Variants in NCOR1 observed in about 807,000 individuals in gnomAD.
The protein encoded by NCOR1 is nuclear receptor corepressor 1.
A neutral mutation model predicts 288.1 loss-of-function variants in NCOR1; 63 were observed. That is an observed-to-expected ratio of 0.22 (90% CI 0.18 to 0.27). The LOEUF is 0.27. NCOR1 is among the 10% of genes least tolerant of loss of function. The probability of loss-of-function intolerance (pLI) is 1.00; values close to 1 mark genes in which losing one functional copy is unlikely to be tolerated. For synonymous variants in NCOR1, 1,007 were observed against 1,065.9 expected (o/e 0.94, Z 1.08); for missense variants, 2,397 against 3,019.2 (o/e 0.79, Z 4.83).
intron 11 of NCOR1, among the ~76,000 whole-genome samples, chr17:16,141,553 ATTTAG>A (rs1268967208): frequency 6.6e-6 from 1 of 152,248 alleles, no homozygotes; most frequent in Non-Finnish European, 1.5e-5. Flanking sequence ...ATATACTTTT[ATTTAG>A]TTATGAATGC....
At chr17:16,077,454 A>G (rs934193496) in intron 26 of NCOR1, among the ~76,000 whole-genome samples, 5 of 71,714 alleles carry the variant, frequency 7.0e-5, no homozygotes, top group East Asian at 3.1e-4. Context: ...AAAGGGAAGG[A>G]GAGGAGAGGG....
intron 22 of NCOR1, chr17:16,087,141 A>G: frequency 7.7e-7 from 1 of 1,293,352 alleles, no homozygotes; most frequent in Non-Finnish European, 1.0e-6. Flanking sequence ...GTGGATGGCC[A>G]GCAGCCACTG....
chr17:16,093,486 G>A (rs555955515), intron 21 of NCOR1, among the ~76,000 whole-genome samples: 64 of 152,236 alleles, frequency 4.2e-4, no homozygotes, highest in African/African-American at 1.5e-3. Context: ...CTGACTTTAT[G>A]AAGAAAATAA....
chr17:16,095,343 G>C, intron 21 of NCOR1, among the ~76,000 whole-genome samples: 1 of 150,976 alleles, frequency 6.6e-6, no homozygotes, highest in Non-Finnish European at 1.5e-5. Flanking sequence ...CACCCCGTCT[G>C]GGAAGTGAGG....
intron 1 of NCOR1, among the ~76,000 whole-genome samples, chr17:16,212,374 C>T (rs2092216360): frequency 6.6e-6 from 1 of 151,992 alleles, no homozygotes; most frequent in African/African-American, 2.4e-5. Context: ...TAGTAGTGTG[C>T]CAGAACATAA....
chr17:16,215,449 C>T lies in NCOR1; in HGVS notation c.-158G>A. 2.5e-6 allele frequency: 1 copy of T among 397,486 alleles called. No individual in the cohort carries two copies. The highest frequency in any genetic ancestry group is 4.4e-6 in the Non-Finnish European group (1 of 225,396). 24.6% of individuals were successfully genotyped at this position (397,486 alleles called of 1,614,324 possible). On this transcript the variant is annotated 5_prime_UTR_variant, in exon 1 of 46. Coordinates refer to ENST00000268712, the MANE Select transcript of NCOR1 (RefSeq NM_006311.4). ...GGCGCGCGGCCCTACACCGGGACCT[C>T]GTTCGGCGCGGCGAGTCGGACGCTC...
At chr17:16,153,760 CCAAA>C (rs1250981738) in intron 6 of NCOR1, among the ~76,000 whole-genome samples, 1 of 151,952 alleles carries the variant, frequency 6.6e-6, no homozygotes, top group African/African-American at 2.4e-5. Context: ...AATAAATCCC[CCAAA>C]CATTCTACAT....
intron 4 of NCOR1, among the ~76,000 whole-genome samples, chr17:16,169,458 A>T (rs1053789153): frequency 8.5e-5 from 13 of 152,330 alleles, no homozygotes; most frequent in African/African-American, 2.9e-4. Context: ...TTAACAAAAA[A>T]TCTAACAAAT....
chr17:16,126,115 T>C lies in NCOR1; in HGVS notation c.1601A>G (p.Asp534Gly). Residue 534 changes from aspartate to glycine, a missense_variant, in exon 15 of 46, where the codon GAT (aspartate) becomes GGT (glycine). By Grantham distance (94) the Asp-to-Gly change is moderately conservative. Around this residue, in one of 11 missense-constraint regions of NCOR1, gnomAD observed 113 missense variants for 139.5 expected, o/e 0.81. Transcript: ENST00000268712. Reference sequence around the variant, plus strand: ...TTCTTTTTCATCTTTTTCCTCTTCATCTTTCTTTTCTTCTTCTTTTTTTTC... The same window carrying C: ...TTCTTTTTCATCTTTTTCCTCTTCACCTTTCTTTTCTTCTTCTTTTTTTTC... ...KTEKKEEEKK[D>G]EEEKDEKEDS... The C allele has an allele frequency of 6.8e-7, 1 of 1,471,086 alleles. No individual in the cohort carries two copies. The highest frequency in any genetic ancestry group is 9.3e-7 in the Non-Finnish European group (1 of 1,079,944). 91.1% of individuals were successfully genotyped at this position (1,471,086 alleles called of 1,614,324 possible). A position where few individuals can be genotyped will look rare whatever the true frequency, so the allele number is the denominator to read the frequency against.
chr17:16,057,959 A>G lies in NCOR1; in HGVS notation c.6116T>C (p.Met2039Thr), dbSNP rs758171601. 2.5e-5 allele frequency: 40 copies of G among 1,614,060 alleles called. No individual in the cohort carries two copies. In the Admixed American group the frequency reaches 6.7e-4, roughly 27 times the overall value. ...CCGATGGGTCCTGGGCACTTGCCCCATTCCCTCTGCCTGTGAAGAAGGGGG... is the reference window on the plus strand; with the variant it reads ...CCGATGGGTCCTGGGCACTTGCCCCGTTCCCTCTGCCTGTGAAGAAGGGGG... The part of the protein sequence containing the change: ...QLPPSSQAEG[M>T]GQVPRTHRLI... Residue 2039 changes from methionine to threonine, a missense_variant, in exon 39 of 46, where the codon ATG becomes ACG. Physicochemically the swap from Met to Thr is moderately conservative, Grantham distance 81. Around this residue, in one of 11 missense-constraint regions of NCOR1, gnomAD observed 1,872 missense variants for 2,187.8 expected, o/e 0.86. Transcript: ENST00000268712.
At chr17:16,094,906 G>A (rs986095948) in intron 21 of NCOR1, among the ~76,000 whole-genome samples, 9 of 152,244 alleles carry the variant, frequency 5.9e-5, no homozygotes, top group East Asian at 3.9e-4. Flanking sequence ...GCGTGATCTC[G>A]GCTCGCTACA....
chr17:16,037,817 G>C (rs555647805), intron 44 of NCOR1, among the ~76,000 whole-genome samples: 37 of 152,308 alleles, frequency 2.4e-4, no homozygotes, highest in African/African-American at 7.9e-4. Flanking sequence ...TTTCACAGAA[G>C]TGAGACACCT....
At chr17:16,146,299 T>C in intron 10 of NCOR1, 77 bp downstream of exon 10, 1 of 1,394,572 alleles carries the variant, frequency 7.2e-7, no homozygotes, top group Non-Finnish European at 9.6e-7. Context: ...CAATACATAC[T>C]AAAAAAATTT....
At chr17:16,087,522 T>C (rs1334422200) in intron 22 of NCOR1, among the ~76,000 whole-genome samples, 4 of 152,194 alleles carry the variant, frequency 2.6e-5, no homozygotes, top group South Asian at 2.1e-4. Context: ...CTAAATCTCC[T>C]GTGTATCCTC....
chr17:16,044,190 A>T (rs2058262395), intron 42 of NCOR1, among the ~76,000 whole-genome samples: 1 of 146,220 alleles, frequency 6.8e-6, no homozygotes, highest in Non-Finnish European at 1.5e-5. Context: ...AAAAAAAAAG[A>T]AAGAAAGAAA....
intron 9 of NCOR1, among the ~76,000 whole-genome samples, 196 bp downstream of exon 9, chr17:16,149,255 G>T (rs1266900760): frequency 2.0e-5 from 3 of 146,552 alleles, no homozygotes; most frequent in Admixed American, 2.0e-4. Context: ...TAAATGTAAG[G>T]TATGGTATCA....
intron 1 of NCOR1, among the ~76,000 whole-genome samples, chr17:16,206,214 C>T (rs2091482461): frequency 6.6e-6 from 1 of 151,888 alleles, no homozygotes; most frequent in Non-Finnish European, 1.5e-5. Flanking sequence ...TTCAGCAACT[C>T]CACTTCTAGG....
intron 3 of NCOR1, among the ~76,000 whole-genome samples, chr17:16,185,008 CAAAAAAAAAA>C (rs34725978): frequency 9.2e-5 from 9 of 97,352 alleles, no homozygotes; most frequent in Middle Eastern, 6.5e-3. Flanking sequence ...GAATCTTAAA[CAAAAAAAAAA>C]AAAAAAAAAA....
At chr17:16,207,463 G>A (rs1329765638) in intron 1 of NCOR1, among the ~76,000 whole-genome samples, 3 of 151,990 alleles carry the variant, frequency 2.0e-5, no homozygotes, top group Admixed American at 6.6e-5. Flanking sequence ...TAATCTTGGC[G>A]GGGCGCAGTG....
Sources: allele counts gnomAD v4.1 joint callset (sites outside exome capture counted in the v4.1 genomes callset), GRCh38; gene constraint gnomAD v4.1.1; regional missense constraint gnomAD v4.1.1; transcripts MANE v1.5; gene names NCBI Gene and HGNC (gene_info 2026-07-23, HGNC 2026-07-21).